PM20D2: variants seen among roughly 807,000 people sequenced by gnomAD.
The protein encoded by PM20D2 is xaa-Arg dipeptidase.
Under a neutral mutation model 42.9 loss-of-function variants are expected in PM20D2, and 33 were observed. The observed-to-expected ratio is 0.77, with a 90% CI of 0.58 to 1.03. The LOEUF (loss-of-function observed/expected upper bound fraction) is 1.03, where lower values mean the gene tolerates loss of function less well. Among genes scored for constraint, PM20D2 ranks in the 50% least tolerant of loss-of-function variants. PM20D2 has a pLI of 0.00. For missense variants in PM20D2, 548 were observed against 557.0 expected, an observed-to-expected ratio of 0.98 and a Z score of 0.16; for synonymous variants, 250 against 228.2, an observed-to-expected ratio of 1.10 and a Z score of -0.86.
rs1020442055 is a variant in PM20D2, at chr6:89,165,160, A to G, written c.*2897A>G. 3 of 151,756 alleles carry G rather than the reference A, an allele frequency of 2.0e-5. No homozygotes were observed. Among genetic ancestry groups the G allele is most frequent in the African/African-American group, 7.3e-5 (3 of 41,378 alleles). 9.4% of individuals were successfully genotyped at this position (151,756 alleles called of 1,614,324 possible). On this transcript the variant is annotated 3_prime_UTR_variant, in exon 7 of 7. Transcript: ENST00000275072. ...CAATAAGTTTTTTTTTTTAAGGATG[A>G]TTGTCTAATTTTGTAATATGTTGTT...
upstream of PM20D2, among the ~76,000 whole-genome samples, chr6:89,144,218 T>C (rs1254999471): frequency 7.3e-6 from 1 of 137,556 alleles, no homozygotes; most frequent in Admixed American, 7.6e-5. Flanking sequence ...GAATCTGTCT[T>C]TCCTCTACCT....
At chr6:89,126,079 C>CT in the PM20D2 span, among the ~76,000 whole-genome samples, 1 of 150,730 alleles carries the variant, frequency 6.6e-6, no homozygotes, top group Non-Finnish European at 1.5e-5. Context: ...GAGTGAAACT[C>CT]TGTCTCAAAA....
upstream of PM20D2, among the ~76,000 whole-genome samples, chr6:89,142,142 A>G (rs1196606072): frequency 2.0e-5 from 3 of 152,088 alleles, no homozygotes; most frequent in African/African-American, 7.2e-5. Context: ...TTCCTTAGCA[A>G]TGTGTTGTAC....
chr6:89,095,904 C>T, the PM20D2 span: 4 of 152,178 alleles, frequency 2.6e-5, no homozygotes, highest in Non-Finnish European at 4.4e-5. Flanking sequence ...CTGCACTAAA[C>T]TTGGGAAGTA....
At chr6:89,129,588 A>AT in the PM20D2 span, among the ~76,000 whole-genome samples, 8,884 of 106,622 alleles carry the variant, frequency 0.083, 513 homozygotes, top group African/African-American at 0.15. Flanking sequence ...TCTGTTTCTA[A>AT]TTTTTTTTTT....
the PM20D2 span, among the ~76,000 whole-genome samples, chr6:89,125,706 C>G: frequency 6.6e-6 from 1 of 151,838 alleles, no homozygotes; most frequent in African/African-American, 2.4e-5. Context: ...TCTCTTGAGC[C>G]CAGTAGGCGG....
chr6:89,152,034 G>C (rs930108083), intron 2 of PM20D2, among the ~76,000 whole-genome samples: 1 of 152,024 alleles, frequency 6.6e-6, no homozygotes, highest in Non-Finnish European at 1.5e-5. Flanking sequence ...GGTGGTGACT[G>C]CAGTGAGCTG....
chr6:89,105,147 T>A, the PM20D2 span: 1 of 1,612,708 alleles, frequency 6.2e-7, no homozygotes, highest in African/African-American at 1.3e-5. Context: ...CGCCTCCTAT[T>A]TCTTCCCCAT....
chr6:89,122,665 A>G, the PM20D2 span, among the ~76,000 whole-genome samples: 1 of 152,210 alleles, frequency 6.6e-6, no homozygotes, highest in Non-Finnish European at 1.5e-5. Flanking sequence ...TGAAAATTAA[A>G]TTGTATTTAG....
At chr6:89,129,486 C>T in the PM20D2 span, among the ~76,000 whole-genome samples, 1 of 151,888 alleles carries the variant, frequency 6.6e-6, no homozygotes, top group African/African-American at 2.4e-5. Flanking sequence ...GAGATCCTGT[C>T]TCTAAATAAA....
intron 3 of PM20D2, 30 bp downstream of exon 3, chr6:89,153,215 A>T: frequency 6.5e-7 from 1 of 1,528,858 alleles, no homozygotes; most frequent in Non-Finnish European, 8.8e-7. Flanking sequence ...TCTATAATAG[A>T]TGGTGCTTGC....
At chr6:89,136,778 A>C in the PM20D2 span, among the ~76,000 whole-genome samples, 1 of 151,026 alleles carries the variant, frequency 6.6e-6, no homozygotes, top group African/African-American at 2.5e-5. Context: ...CCTCAGAATA[A>C]ATTTCTGTTT....
At chr6:89,117,076 T>C in the PM20D2 span, among the ~76,000 whole-genome samples, 15 of 151,752 alleles carry the variant, frequency 9.9e-5, no homozygotes, top group East Asian at 2.7e-3. Flanking sequence ...AGGAAGGAAG[T>C]GCTATATGAA....
the PM20D2 span, chr6:89,106,927 T>G: frequency 1.8e-6 from 1 of 563,076 alleles, no homozygotes. Context: ...GAACTTTAGG[T>G]GCCTTTTGTC....
chr6:89,154,872 C>G lies in PM20D2; in HGVS notation c.882C>G (p.Phe294Leu), dbSNP rs781447458. ...TGACCAAAAAGGCAGAAGATTGCTT[C>G]AGAGCTGCAGCTTTGGCTTCAGGGT... ...QVLTKKAEDC[F>L]RAAALASGCT... The change falls in exon 4 of 7, where the codon TTC becomes TTG. Residue 294 changes from phenylalanine to leucine, a missense_variant. This residue lies in a region of PM20D2 where 470 missense variants were observed against 464.4 expected (regional missense o/e 1.01). Transcript: ENST00000275072. 1 of 1,604,974 alleles carries G rather than the reference C, an allele frequency of 6.2e-7. No individual in the cohort carries two copies. Among genetic ancestry groups the G allele is most frequent in the Non-Finnish European group, 8.5e-7 (1 of 1,176,872 alleles).
At chr6:89,105,154 C>T in the PM20D2 span, 1 of 1,612,640 alleles carries the variant, frequency 6.2e-7, no homozygotes, top group South Asian at 1.1e-5. Context: ...TATTTCTTCC[C>T]CATGAAGAAC....
chr6:89,132,100 C>T, the PM20D2 span, among the ~76,000 whole-genome samples: 3 of 152,162 alleles, frequency 2.0e-5, no homozygotes, highest in African/African-American at 7.2e-5. Flanking sequence ...CAAGAACCAA[C>T]TCAATCCTGA....
chr6:89,094,225 ATTTT>A, the PM20D2 span, among the ~76,000 whole-genome samples: 3 of 144,370 alleles, frequency 2.1e-5, no homozygotes, highest in African/African-American at 5.1e-5. Flanking sequence ...CGGCCTCTTT[ATTTT>A]TTTTTATTTT....
intron 4 of PM20D2, among the ~76,000 whole-genome samples, chr6:89,156,264 A>G (rs759072296): frequency 6.6e-6 from 1 of 152,170 alleles, no homozygotes. Flanking sequence ...ATTATACAAG[A>G]TAAGAATCTT....
Sources: gnomAD v4.1 joint callset for allele counts (sites outside exome capture counted in the v4.1 genomes callset) on GRCh38, gnomAD v4.1.1 for gene constraint, gnomAD v4.1.1 regional missense constraint, MANE v1.5 for transcripts, NCBI Gene and HGNC (gene_info 2026-07-23, HGNC 2026-07-21) for gene names.